AMPH: variants seen among roughly 807,000 people sequenced by gnomAD.
AMPH encodes amphiphysin (Stiff-Mann syndrome with breast cancer 128kD autoantigen).
Under a neutral mutation model 99.1 loss-of-function variants are expected in AMPH, and 49 were observed. The observed-to-expected ratio is 0.49, with a 90% CI of 0.39 to 0.63. The LOEUF (loss-of-function observed/expected upper bound fraction) is 0.63. AMPH is among the 20% of genes least tolerant of loss of function. The probability of loss-of-function intolerance (pLI) is 0.00; values close to 1 mark genes in which losing one functional copy is unlikely to be tolerated. For missense variants in AMPH, 759 were observed against 863.4 expected, an observed-to-expected ratio of 0.88 and a Z score of 1.52; for synonymous variants, 314 against 317.3, an observed-to-expected ratio of 0.99 and a Z score of 0.11.
intron 1 of AMPH, among the ~76,000 whole-genome samples, chr7:38,606,996 C>T (rs1156342585): frequency 6.6e-6 from 1 of 152,166 alleles, no homozygotes; most frequent in Non-Finnish European, 1.5e-5. Flanking sequence ...ATAAATAATG[C>T]TGCTGTGAAC....
At chr7:38,602,499 G>A (rs759941508) in intron 1 of AMPH, among the ~76,000 whole-genome samples, 15 of 152,226 alleles carry the variant, frequency 9.9e-5, no homozygotes, top group East Asian at 1.9e-4. Context: ...ATTCCTTGGC[G>A]CATGGCCCTG....
chr7:38,622,668 A>G (rs1794114221), intron 1 of AMPH, among the ~76,000 whole-genome samples: 1 of 152,204 alleles, frequency 6.6e-6, no homozygotes, highest in African/African-American at 2.4e-5. Context: ...TCTAGGCACA[A>G]TGTGTGAGGA....
chr7:38,489,815 C>T (rs1416358526), intron 5 of AMPH, among the ~76,000 whole-genome samples: 1 of 152,014 alleles, frequency 6.6e-6, no homozygotes, highest in Non-Finnish European at 1.5e-5. Flanking sequence ...TGGAAAATGA[C>T]AGTTGCTAAT....
intron 1 of AMPH, among the ~76,000 whole-genome samples, chr7:38,613,182 C>T (rs1793745451): frequency 6.6e-6 from 1 of 152,192 alleles, no homozygotes; most frequent in South Asian, 2.1e-4. Context: ...CAAAGGTCTT[C>T]CCATCATTCT....
intron 4 of AMPH, among the ~76,000 whole-genome samples, chr7:38,491,507 AG>A (rs1314975581): frequency 1.3e-5 from 2 of 152,360 alleles, no homozygotes; most frequent in East Asian, 3.9e-4. Flanking sequence ...CCATGAAATC[AG>A]AAAAAAATCC....
At chr7:38,467,578 A>T (rs1164225978) in intron 7 of AMPH, among the ~76,000 whole-genome samples, 1 of 152,058 alleles carries the variant, frequency 6.6e-6, no homozygotes, top group Non-Finnish European at 1.5e-5. Context: ...GTCTCTAGGA[A>T]CGTACAATCC....
chr7:38,464,810 G>A (rs1453473728), intron 9 of AMPH, among the ~76,000 whole-genome samples: 4 of 152,186 alleles, frequency 2.6e-5, no homozygotes, highest in African/African-American at 7.2e-5. Context: ...CTCTGAGTAC[G>A]TAAAGTCTAC....
intron 7 of AMPH, among the ~76,000 whole-genome samples, chr7:38,466,530 G>A (rs79374953): frequency 0.096 from 14,589 of 151,244 alleles, 934 homozygotes; most frequent in Middle Eastern, 0.2. Flanking sequence ...CCACCTGAAG[G>A]GTGTGTTTCT....
At chr7:38,502,625 A>G (rs1789179134) in intron 3 of AMPH, among the ~76,000 whole-genome samples, 1 of 152,090 alleles carries the variant, frequency 6.6e-6, no homozygotes. Flanking sequence ...CTTTTTGCAA[A>G]CGGATGTAGT....
intron 3 of AMPH, among the ~76,000 whole-genome samples, chr7:38,496,547 G>C (rs1788940010): frequency 6.6e-6 from 1 of 152,142 alleles, no homozygotes; most frequent in South Asian, 2.1e-4. Flanking sequence ...AGTCGTGCAG[G>C]TGAAGGGACA....
At chr7:38,429,257 C>T (rs1420585123) in intron 14 of AMPH, 1 of 1,286,432 alleles carries the variant, frequency 7.8e-7, no homozygotes, top group Non-Finnish European at 1.0e-6. Context: ...CCGGCGCAGG[C>T]TTTGGGGGCA....
intron 1 of AMPH, among the ~76,000 whole-genome samples, chr7:38,539,209 G>A (rs1048027440): frequency 6.6e-6 from 1 of 152,164 alleles, no homozygotes; most frequent in African/African-American, 2.4e-5. Flanking sequence ...AAAACCAAAA[G>A]CCCTGAAAGT....
At chr7:38,412,779 C>G (rs970280623) in intron 17 of AMPH, among the ~76,000 whole-genome samples, 25 of 152,186 alleles carry the variant, frequency 1.6e-4, no homozygotes, top group Admixed American at 1.6e-3. Flanking sequence ...GAGGACGCAG[C>G]TGAGAGGGCA....
chr7:38,402,916 AC>A (rs1584043048), intron 17 of AMPH, among the ~76,000 whole-genome samples: 1 of 152,186 alleles, frequency 6.6e-6, no homozygotes, highest in East Asian at 1.9e-4. Context: ...TAAAATGAAA[AC>A]AAAAAAAACT....
At chr7:38,620,548 TACACACACACACACAC>T (rs201765719) in intron 1 of AMPH, among the ~76,000 whole-genome samples, 33 of 133,184 alleles carry the variant, frequency 2.5e-4, no homozygotes, top group African/African-American at 8.0e-4. Flanking sequence ...TATACATACA[TACACACACACACACAC>T]ACACACACAC....
intron 9 of AMPH, 104 bp downstream of exon 9, chr7:38,465,363 T>A (rs1787611298): frequency 1.0e-6 from 1 of 967,680 alleles, no homozygotes; most frequent in Non-Finnish European, 1.5e-6. Context: ...AAAAGGCTCC[T>A]GTGGGACTTT....
chr7:38,454,872 G>A (rs1787170385), intron 11 of AMPH, among the ~76,000 whole-genome samples: 1 of 152,090 alleles, frequency 6.6e-6, no homozygotes, highest in Admixed American at 6.5e-5. Context: ...AATACTATGG[G>A]CAAATATGTT....
chr7:38,386,312 C>T (rs1584022243), intron 20 of AMPH, among the ~76,000 whole-genome samples: 1 of 152,014 alleles, frequency 6.6e-6, no homozygotes, highest in Non-Finnish European at 1.5e-5. Flanking sequence ...TCATTTTTCC[C>T]CCACAAGTGT....
At chr7:38,628,582 G>T (rs1794339353) in intron 1 of AMPH, among the ~76,000 whole-genome samples, 1 of 152,148 alleles carries the variant, frequency 6.6e-6, no homozygotes, top group African/African-American at 2.4e-5. Context: ...ATATGTACAT[G>T]TATAGAAGGA....
Sources: gnomAD v4.1 joint callset for allele counts (sites outside exome capture counted in the v4.1 genomes callset) on GRCh38, gnomAD v4.1.1 for gene constraint, MANE v1.5 for transcripts, NCBI Gene and HGNC (gene_info 2026-07-23, HGNC 2026-07-21) for gene names.